Variants in CYLD observed in about 807,000 individuals in gnomAD.
CYLD encodes CYLD lysine 63 deubiquitinase.
A neutral mutation model predicts 104.5 loss-of-function variants in CYLD; 26 were observed. That is an observed-to-expected ratio of 0.25 (90% CI 0.18 to 0.35). CYLD has a LOEUF of 0.35. CYLD is among the 10% of genes least tolerant of loss of function. The pLI, the probability that CYLD is intolerant of heterozygous loss-of-function variation, is 1.00. For missense variants in CYLD, 703 were observed against 1,136.1 expected (o/e 0.62, Z 5.48); for synonymous variants, 385 against 399.9 (o/e 0.96, Z 0.45).
At chr16:50,762,115 T>G (rs1968013598) in intron 5 of CYLD, among the ~76,000 whole-genome samples, 1 of 152,168 alleles carries the variant, frequency 6.6e-6, no homozygotes, top group African/African-American at 2.4e-5. Context: ...CATCCATCAC[T>G]GGAGCAATGC....
chr16:50,766,652 G>A (rs908671580), intron 5 of CYLD, among the ~76,000 whole-genome samples: 1 of 152,148 alleles, frequency 6.6e-6, no homozygotes, highest in African/African-American at 2.4e-5. Context: ...CATGATTTAT[G>A]GGAGGAGGTC....
intron 12 of CYLD, chr16:50,785,875 T>C (rs1970762097): frequency 6.6e-6 from 1 of 152,222 alleles, no homozygotes; most frequent in Non-Finnish European, 1.5e-5. Flanking sequence ...GTTACGTTAC[T>C]ATGTAAGTGG....
chr16:50,750,287 C>T, intron 3 of CYLD, 85 bp downstream of exon 3: 1 of 1,465,508 alleles, frequency 6.8e-7, no homozygotes, highest in Non-Finnish European at 9.5e-7. Flanking sequence ...TATTTTTCTC[C>T]TTAAATACGA....
chr16:50,751,806 T>C lies in CYLD; in HGVS notation c.707T>C (p.Val236Ala). Residue 236 changes from valine to alanine, a missense_variant, in exon 4 of 19, where the codon GTT becomes GCT. Physicochemically the swap from Val to Ala is moderately conservative, Grantham distance 64. This residue lies in a region of CYLD where 123 missense variants were observed against 213.3 expected (regional missense o/e 0.58). Transcript: ENST00000427738. The part of the protein sequence containing the change: ...ELPPLEINSR[V>A]SLKVGETIES... ...CCTCCTTTGGAAATAAACTCCAGAG[T>C]TTCTTTGAAGGTTGGAGAAACAATA... 6.2e-7 allele frequency: 1 copy of C among 1,613,296 alleles called. No individual in the cohort carries two copies. The highest frequency in any genetic ancestry group is 1.1e-5 in the South Asian group (1 of 91,046).
chr16:50,768,368 G>A (rs1471898458), intron 5 of CYLD, among the ~76,000 whole-genome samples: 1 of 152,080 alleles, frequency 6.6e-6, no homozygotes, highest in Non-Finnish European at 1.5e-5. Flanking sequence ...AAGTCAAAGT[G>A]TCTCCTTTAG....
intron 12 of CYLD, 92 bp from the exon 13 acceptor site, chr16:50,786,761 CAA>C (rs369024987): frequency 1.1e-3 from 823 of 757,850 alleles, no homozygotes; most frequent in Non-Finnish European, 1.2e-3. Flanking sequence ...GACTCTATCT[CAA>C]AAAAAAAAAA....
At chr16:50,765,115 T>C (rs1042285511) in intron 5 of CYLD, among the ~76,000 whole-genome samples, 2 of 152,226 alleles carry the variant, frequency 1.3e-5, no homozygotes, top group African/African-American at 4.8e-5. Context: ...TTTATAGCGC[T>C]TTTCTTTATT....
At chr16:50,753,178 TAAC>T (rs1176523040) in intron 4 of CYLD, among the ~76,000 whole-genome samples, 4 of 152,200 alleles carry the variant, frequency 2.6e-5, no homozygotes, top group African/African-American at 9.7e-5. Flanking sequence ...CGTTTACTCT[TAAC>T]ATGTGAAAAG....
At chr16:50,772,082 T>G (rs549235353) in intron 5 of CYLD, among the ~76,000 whole-genome samples, 13 of 152,364 alleles carry the variant, frequency 8.5e-5, no homozygotes, top group African/African-American at 2.9e-4. Context: ...TGTGTACATC[T>G]ATACAAAATC....
At chr16:50,793,188 A>G (rs1158731207) in intron 16 of CYLD, among the ~76,000 whole-genome samples, 17 of 152,176 alleles carry the variant, frequency 1.1e-4, no homozygotes, top group Non-Finnish European at 5.9e-5. Context: ...TGAAATTATT[A>G]GAGAAAATTC....
intron 11 of CYLD, 95 bp downstream of exon 11, chr16:50,782,561 AG>A: frequency 7.6e-7 from 1 of 1,308,154 alleles, no homozygotes; most frequent in Non-Finnish European, 1.1e-6. Context: ...TGTGTGTGAA[AG>A]AAACTGCCAT....
In CYLD at chr16:50,796,692, A is replaced by T. The variant is rs952558125; in HGVS notation, c.*184A>T. 3.1e-6 allele frequency: 2 copies of T among 638,636 alleles called. No homozygotes were observed. Among genetic ancestry groups the T allele is most frequent in the Admixed American group, 4.8e-5 (2 of 41,964 alleles). The allele number at this position is 638,636 out of a possible 1,614,324, so 39.6% of individuals were successfully genotyped here. On this transcript the variant is annotated 3_prime_UTR_variant, in exon 19 of 19. Transcript: ENST00000427738. The stretch of plus-strand genomic sequence containing the variant: ...TGTGTCCCTGAAGTATTTAATAAGA[A>T]GCATTTTGCACTCTAGAAAGTATGT...
At chr16:50,780,604 G>A (rs951892596) in intron 9 of CYLD, among the ~76,000 whole-genome samples, 2 of 152,060 alleles carry the variant, frequency 1.3e-5, no homozygotes, top group African/African-American at 4.8e-5. Flanking sequence ...CTGCAGCCTC[G>A]ACCTCCTGGG....
chr16:50,781,972 A>G (rs973353683), intron 10 of CYLD, among the ~76,000 whole-genome samples: 3 of 152,212 alleles, frequency 2.0e-5, no homozygotes. Flanking sequence ...CACTCTTATT[A>G]TGTTGAAATA....
At chr16:50,769,684 A>G (rs191821069) in intron 5 of CYLD, among the ~76,000 whole-genome samples, 12 of 152,260 alleles carry the variant, frequency 7.9e-5, no homozygotes. Context: ...ATGTTGTAAA[A>G]CAAGACGTGT....
intron 5 of CYLD, among the ~76,000 whole-genome samples, chr16:50,759,882 T>C (rs2076898042): frequency 1.3e-5 from 2 of 152,268 alleles, no homozygotes; most frequent in African/African-American, 4.8e-5. Flanking sequence ...ATTAAACACG[T>C]ATTTTTTGCC....
At chr16:50,795,385 C>G (rs1971923447) in intron 18 of CYLD, among the ~76,000 whole-genome samples, 1 of 152,170 alleles carries the variant, frequency 6.6e-6, no homozygotes, top group African/African-American at 2.4e-5. Context: ...TTAACTAATG[C>G]TTAATGAATG....
intron 10 of CYLD, among the ~76,000 whole-genome samples, chr16:50,781,882 C>T (rs1970250680): frequency 6.6e-6 from 1 of 152,122 alleles, no homozygotes; most frequent in Non-Finnish European, 1.5e-5. Flanking sequence ...TGGTGCTGTT[C>T]CTTTCCACTT....
chr16:50,757,660 C>T (rs1444142724), intron 5 of CYLD, among the ~76,000 whole-genome samples: 2 of 152,048 alleles, frequency 1.3e-5, no homozygotes, highest in Non-Finnish European at 2.9e-5. Flanking sequence ...CCTCAGCCTC[C>T]CGAGTAGCTG....
Sources: allele counts gnomAD v4.1 joint callset (sites outside exome capture counted in the v4.1 genomes callset), GRCh38; gene constraint gnomAD v4.1.1; regional missense constraint gnomAD v4.1.1; transcripts MANE v1.5; gene names NCBI Gene and HGNC (gene_info 2026-07-23, HGNC 2026-07-21).